INSL6: variants seen among roughly 807,000 people sequenced by gnomAD.
INSL6 encodes the protein insulin like 6, also known as insulin-like peptide INSL6.
In INSL6, 16 loss-of-function variants were observed where a neutral mutation model predicts 9.4. The observed-to-expected ratio is 1.70, with a 90% CI of 1.15 to 2.59. The LOEUF (loss-of-function observed/expected upper bound fraction) is 2.59. INSL6 is among the 30% of genes most tolerant of loss of function. INSL6 has a pLI of 0.00. For missense variants in INSL6, 391 were observed against 257.3 expected (o/e 1.52, Z -3.56); for synonymous variants, 154 against 96.9 (o/e 1.59, Z -3.46).
chr9:5,185,623 C>A lies in INSL6; in HGVS notation c.-21G>T, dbSNP rs768322949. 2 of 1,602,532 alleles carry A rather than the reference C, an allele frequency of 1.2e-6. No homozygotes were observed. Among genetic ancestry groups the A allele is most frequent in the Non-Finnish European group, 1.7e-6 (2 of 1,176,004 alleles). On this transcript the variant is annotated 5_prime_UTR_variant, in exon 1 of 2. Transcript: ENST00000381641. Reference sequence around the variant, plus strand: ...GGCATCCCTGTGACCCCAGGCTAGTCCTCCGCGTTGTGCAATGGCGGTCGG... The same window carrying A: ...GGCATCCCTGTGACCCCAGGCTAGTACTCCGCGTTGTGCAATGGCGGTCGG...
the INSL6 span, among the ~76,000 whole-genome samples, chr9:5,056,712 A>T: frequency 6.6e-6 from 1 of 152,170 alleles, no homozygotes; most frequent in African/African-American, 2.4e-5. Flanking sequence ...GCATAAAAGG[A>T]TGATTAACAA....
At chr9:5,183,968 A>T (rs1299907401) in intron 1 of INSL6, among the ~76,000 whole-genome samples, 1 of 152,200 alleles carries the variant, frequency 6.6e-6, no homozygotes, top group Non-Finnish European at 1.5e-5. Flanking sequence ...GAGTCACTGA[A>T]CTAAAGTAAA....
the INSL6 span, among the ~76,000 whole-genome samples, chr9:5,032,282 C>G: frequency 3.3e-5 from 5 of 152,242 alleles, no homozygotes; most frequent in African/African-American, 1.2e-4. Context: ...CACCACAGCT[C>G]AAGGAGGCCT....
downstream of INSL6, chr9:5,163,798 G>C (rs189745294): frequency 2.9e-6 from 2 of 699,272 alleles, no homozygotes; most frequent in Admixed American, 4.9e-5. Flanking sequence ...TCAAGTGCTT[G>C]CAAGTACATT....
At chr9:5,073,506 T>C in the INSL6 span, among the ~76,000 whole-genome samples, 1 of 152,150 alleles carries the variant, frequency 6.6e-6, no homozygotes, top group African/African-American at 2.4e-5. Context: ...ATTCCAGGCT[T>C]ACACAGGGGT....
the INSL6 span, among the ~76,000 whole-genome samples, chr9:5,059,125 C>T: frequency 6.6e-6 from 1 of 152,094 alleles, no homozygotes; most frequent in Non-Finnish European, 1.5e-5. Context: ...GTGTATAGCT[C>T]AATGAATTTT....
At chr9:5,102,380 TACAGG>T in the INSL6 span, among the ~76,000 whole-genome samples, 1 of 152,074 alleles carries the variant, frequency 6.6e-6, no homozygotes, top group Admixed American at 6.5e-5. Flanking sequence ...CTACAAGAAA[TACAGG>T]ACTATGTGAA....
the INSL6 span, among the ~76,000 whole-genome samples, chr9:5,016,098 G>T: frequency 4.5e-4 from 68 of 150,214 alleles, 1 homozygote; most frequent in African/African-American, 1.7e-3. Flanking sequence ...ACTGCCAGCC[G>T]TCGCTTCCCT....
the INSL6 span, among the ~76,000 whole-genome samples, chr9:5,011,610 C>G: frequency 6.6e-6 from 1 of 152,086 alleles, no homozygotes; most frequent in African/African-American, 2.4e-5. Context: ...AAAATAAATT[C>G]TAATATTTGG....
chr9:5,021,051 T>G, the INSL6 span, among the ~76,000 whole-genome samples: 1 of 152,108 alleles, frequency 6.6e-6, no homozygotes, highest in African/African-American at 2.4e-5. Context: ...CTCTCTTGTG[T>G]CTGGGATTGC....
At chr9:5,000,659 G>A in the INSL6 span, among the ~76,000 whole-genome samples, 1 of 151,898 alleles carries the variant, frequency 6.6e-6, no homozygotes, top group Non-Finnish European at 1.5e-5. Context: ...TTCCCTATAT[G>A]CTCAAAACAT....
chr9:5,126,111 G>A lies in INSL6; in HGVS notation c.*11-1600C>T, dbSNP rs188889205. The A allele has an allele frequency of 1.8e-4, 73 of 398,228 alleles. No homozygotes were observed. In the East Asian group the frequency reaches 2.3e-3, roughly 13 times the overall value. 24.7% of individuals were successfully genotyped at this position (398,228 alleles called of 1,614,324 possible). A position where few individuals can be genotyped will look rare whatever the true frequency, so the allele number is the denominator to read the frequency against. Reference sequence around the variant, plus strand: ...CATGTGTTTTGAGCCCTCCTCAGGGGATTTGTGTTGAGTTTATTACAGCTA... The same window carrying A: ...CATGTGTTTTGAGCCCTCCTCAGGGAATTTGTGTTGAGTTTATTACAGCTA... On this transcript the variant is annotated intron_variant, in intron 3 of 3. Transcript: ENST00000649639.
At chr9:5,070,856 G>C in the INSL6 span, among the ~76,000 whole-genome samples, 1 of 152,114 alleles carries the variant, frequency 6.6e-6, no homozygotes, top group African/African-American at 2.4e-5. Context: ...AGGGGGTTAA[G>C]ATTTAAGAGC....
chr9:5,011,753 T>A, the INSL6 span, among the ~76,000 whole-genome samples: 1 of 152,186 alleles, frequency 6.6e-6, no homozygotes, highest in Admixed American at 6.5e-5. Flanking sequence ...TTCTCTGAAG[T>A]AATGAGTTTT....
the INSL6 span, chr9:5,112,840 G>A: frequency 1.8e-6 from 1 of 558,246 alleles, no homozygotes; most frequent in Non-Finnish European, 2.8e-6. Flanking sequence ...ACCCCGCTGG[G>A]CACGTGTGAA....
chr9:4,994,152 T>G, the INSL6 span, among the ~76,000 whole-genome samples: 17 of 152,238 alleles, frequency 1.1e-4, no homozygotes, highest in Non-Finnish European at 2.5e-4. Context: ...ATCAGAGTGT[T>G]TGGAATCTTT....
chr9:5,021,888 C>A, the INSL6 span: 1 of 810,446 alleles, frequency 1.2e-6, no homozygotes, highest in Non-Finnish European at 2.0e-6. Flanking sequence ...CCGCCTCGGC[C>A]CCGCAAAGTG....
chr9:5,180,844 A>G (rs1370835458), intron 1 of INSL6, among the ~76,000 whole-genome samples: 1 of 152,146 alleles, frequency 6.6e-6, no homozygotes, highest in Non-Finnish European at 1.5e-5. Context: ...TTCCCTCAGA[A>G]GCATGTCATC....
At chr9:5,084,979 A>G in the INSL6 span, 1 of 786,286 alleles carries the variant, frequency 1.3e-6, no homozygotes. Context: ...GCTGCCAGAA[A>G]GAACAGAAAG....
Sources: gnomAD v4.1 joint callset for allele counts (sites outside exome capture counted in the v4.1 genomes callset) on GRCh38, gnomAD v4.1.1 for gene constraint, MANE v1.5 for transcripts, NCBI Gene and HGNC (gene_info 2026-07-23, HGNC 2026-07-21) for gene names.